CAMKMT: variants seen among roughly 807,000 people sequenced by gnomAD.
The protein encoded by CAMKMT is calmodulin-lysine N-methyltransferase.
In CAMKMT, 53 loss-of-function variants were observed where a neutral mutation model predicts 48.0. The ratio of observed to expected loss-of-function variants is 1.10; its 90% confidence interval spans 0.89 to 1.39. The LOEUF is 1.39. Ranked by LOEUF, CAMKMT falls within the 40% of genes most tolerant of loss-of-function variation. The pLI is 0.00. For missense variants in CAMKMT, 428 were observed against 402.7 expected (o/e 1.06, Z -0.54); for synonymous variants, 165 against 152.3 (o/e 1.08, Z -0.61).
chr2:44,718,513 A>T (rs972049461), intron 7 of CAMKMT, among the ~76,000 whole-genome samples: 1 of 152,230 alleles, frequency 6.6e-6, no homozygotes, highest in Non-Finnish European at 1.5e-5. Flanking sequence ...AAAGGAAACC[A>T]TGCTACTAAA....
chr2:44,666,409 AC>A (rs576860246), intron 3 of CAMKMT, among the ~76,000 whole-genome samples: 5 of 151,322 alleles, frequency 3.3e-5, no homozygotes, highest in Admixed American at 1.3e-4. Flanking sequence ...AAAGTCCAGG[AC>A]CCCCCCGAGC....
At chr2:44,613,688 T>C in intron 3 of CAMKMT, among the ~76,000 whole-genome samples, 1 of 152,214 alleles carries the variant, frequency 6.6e-6, no homozygotes, top group Non-Finnish European at 1.5e-5. Flanking sequence ...ACTTCTCATA[T>C]ATCATCTCAT....
intron 3 of CAMKMT, among the ~76,000 whole-genome samples, chr2:44,480,013 A>T (rs1202872777): frequency 6.6e-6 from 1 of 152,146 alleles, no homozygotes; most frequent in East Asian, 1.9e-4. Flanking sequence ...TGCTGCTGCA[A>T]TCTTGAGAAG....
chr2:44,422,740 G>C (rs897555419), intron 3 of CAMKMT, among the ~76,000 whole-genome samples: 1 of 151,656 alleles, frequency 6.6e-6, no homozygotes, highest in Non-Finnish European at 1.5e-5. Flanking sequence ...GCCAGATGGA[G>C]CATAAATTTT....
At chr2:44,613,979 T>C (rs1325312593) in intron 3 of CAMKMT, among the ~76,000 whole-genome samples, 1 of 152,172 alleles carries the variant, frequency 6.6e-6, no homozygotes, top group African/African-American at 2.4e-5. Context: ...ATCATAAGCA[T>C]AACTCAAGGC....
chr2:44,730,880 TAA>T (rs1361002527), intron 7 of CAMKMT, among the ~76,000 whole-genome samples: 1 of 152,222 alleles, frequency 6.6e-6, no homozygotes, highest in Non-Finnish European at 1.5e-5. Context: ...GAATCCTCTG[TAA>T]AGAATGCCTA....
chr2:44,614,228 T>C (rs1300975709), intron 3 of CAMKMT, among the ~76,000 whole-genome samples: 2 of 152,152 alleles, frequency 1.3e-5, no homozygotes, highest in East Asian at 1.9e-4. Flanking sequence ...AACCAGTAAG[T>C]GTTTCACAGG....
At chr2:44,512,671 G>A (rs914152027) in intron 3 of CAMKMT, among the ~76,000 whole-genome samples, 13 of 152,210 alleles carry the variant, frequency 8.5e-5, no homozygotes, top group Admixed American at 2.0e-4. Flanking sequence ...AGGCCAGCTG[G>A]TTAAAGACAA....
At chr2:44,548,923 A>G (rs1264968171) in intron 3 of CAMKMT, among the ~76,000 whole-genome samples, 2 of 152,204 alleles carry the variant, frequency 1.3e-5, no homozygotes, top group African/African-American at 4.8e-5. Flanking sequence ...AGAAAACTCA[A>G]CCATGCCATA....
intron 3 of CAMKMT, among the ~76,000 whole-genome samples, chr2:44,697,839 A>T (rs1456460758): frequency 6.6e-6 from 1 of 152,156 alleles, no homozygotes; most frequent in Admixed American, 6.5e-5. Context: ...TGAAACTGAA[A>T]AATCAAGAAG....
chr2:44,483,878 A>G lies in CAMKMT; in HGVS notation c.376+93573A>G, dbSNP rs994628243. Among the ~76,000 whole-genome samples the G allele has an allele frequency of 8.5e-5, 13 of 152,198 alleles. No homozygotes were observed. In the East Asian group the frequency reaches 2.5e-3, roughly 29 times the overall value. ...GAATATCCCCTGAGATTTTAGAAGTATATGATACTGGCAGTTGTCACAAAA... is the reference window on the plus strand; with the variant it reads ...GAATATCCCCTGAGATTTTAGAAGTGTATGATACTGGCAGTTGTCACAAAA... On this transcript the variant is annotated intron_variant, in intron 3 of 10. Coordinates refer to ENST00000378494, the MANE Select transcript of CAMKMT (RefSeq NM_024766.5).
rs200316912 is a variant in CAMKMT at position 44,707,341 on chromosome 2, C to T, written c.493-58C>T. 3,672 of 1,501,870 alleles carry T rather than the reference C, an allele frequency of 2.4e-3. 14 individuals are homozygous for T. The highest frequency in any genetic ancestry group is 2.4e-3 in the Non-Finnish European group (2,629 of 1,081,388). The allele number at this position is 1,501,870 out of a possible 1,614,324, so 93.0% of individuals were successfully genotyped here. A position where few individuals can be genotyped will look rare whatever the true frequency, so the allele number is the denominator to read the frequency against. ...TGAAGGCTTGTCACTCCTGTCTTCA[C>T]TTCCACACAGACAAGCATATTTGCT... On this transcript the variant is annotated intron_variant, in intron 5 of 10. Coordinates refer to ENST00000378494, the MANE Select transcript of CAMKMT (RefSeq NM_024766.5).
At chr2:44,521,512 C>A (rs1251826111) in intron 3 of CAMKMT, among the ~76,000 whole-genome samples, 1 of 152,192 alleles carries the variant, frequency 6.6e-6, no homozygotes, top group Non-Finnish European at 1.5e-5. Context: ...ATCCCCTGAC[C>A]TCGTGATTCA....
intron 3 of CAMKMT, among the ~76,000 whole-genome samples, chr2:44,400,480 A>G (rs1682264413): frequency 6.6e-6 from 1 of 152,144 alleles, no homozygotes; most frequent in Non-Finnish European, 1.5e-5. Flanking sequence ...GCAATCCCTG[A>G]TGCATATTGT....
chr2:44,394,729 G>C (rs1016928645), intron 3 of CAMKMT, among the ~76,000 whole-genome samples: 3 of 152,166 alleles, frequency 2.0e-5, no homozygotes, highest in African/African-American at 7.2e-5. Flanking sequence ...TGCCTGACCT[G>C]ACCAGGATTT....
At chr2:44,492,346 AT>A (rs907437479) in intron 3 of CAMKMT, among the ~76,000 whole-genome samples, 3 of 152,166 alleles carry the variant, frequency 2.0e-5, no homozygotes, top group African/African-American at 7.2e-5. Flanking sequence ...TAAATTATAT[AT>A]TTTTATTTTC....
At chr2:44,584,404 C>T (rs1339361577) in intron 3 of CAMKMT, among the ~76,000 whole-genome samples, 2 of 151,994 alleles carry the variant, frequency 1.3e-5, no homozygotes, top group African/African-American at 4.8e-5. Flanking sequence ...TAGTGTTGGC[C>T]CACACTGAAG....
At chr2:44,634,815 A>C (rs1336846542) in intron 3 of CAMKMT, among the ~76,000 whole-genome samples, 3 of 151,876 alleles carry the variant, frequency 2.0e-5, no homozygotes, top group African/African-American at 2.4e-5. Context: ...AAAAAAAAGC[A>C]TTCTAGTCAG....
chr2:44,672,067 A>G (rs963446980), intron 3 of CAMKMT, among the ~76,000 whole-genome samples: 2 of 152,158 alleles, frequency 1.3e-5, no homozygotes, highest in African/African-American at 2.4e-5. Context: ...TGAAAACTCA[A>G]TACCATTCTC....
Sources: allele counts gnomAD v4.1 joint callset (sites outside exome capture counted in the v4.1 genomes callset), GRCh38; gene constraint gnomAD v4.1.1; transcripts MANE v1.5; gene names NCBI Gene and HGNC (gene_info 2026-07-23, HGNC 2026-07-21).